The following ZNF695 variants were observed in gnomAD, a reference collection of about 807,000 sequenced individuals.
ZNF695 encodes the protein zinc finger protein 695, also known as zinc finger protein SBZF3.
A neutral mutation model predicts 11.2 loss-of-function variants in ZNF695; 11 were observed. The observed-to-expected ratio is 0.98, with a 90% CI of 0.62 to 1.62. The LOEUF is 1.62. Ranked by LOEUF, ZNF695 falls within the 40% of genes most tolerant of loss-of-function variation. The pLI, the probability that ZNF695 is intolerant of heterozygous loss-of-function variation, is 0.00. For synonymous variants in ZNF695, 190 were observed against 201.4 expected (o/e 0.94, Z 0.48); for missense variants, 559 against 590.5 (o/e 0.95, Z 0.55).
At chr1:246,970,195 TGAAA>T (rs1668390043) in intron 4 of ZNF695, among the ~76,000 whole-genome samples, 1 of 152,172 alleles carries the variant, frequency 6.6e-6, no homozygotes. Flanking sequence ...GTTCCGACAG[TGAAA>T]GAGTGATTGA....
rs895787170 is a variant in ZNF695 at position 246,976,712 on chromosome 1, T to G, written c.391-8920A>C. Among the ~76,000 whole-genome samples the G allele has an allele frequency of 7.9e-5, 12 of 152,220 alleles. No individual in the cohort carries two copies. The East Asian group carries it at 9.6e-4, about 12-fold the overall frequency. ...GGGAGGCTGAGGCAGAAGAATGGCA[T>G]GAACCCGGGAGGCAGAGCTTGCAGT... On this transcript the variant is annotated intron_variant, in intron 4 of 5. Transcript: ENST00000487338.
At chr1:246,995,338 G>A (rs56364134) in intron 3 of ZNF695, among the ~76,000 whole-genome samples, 6,004 of 152,262 alleles carry the variant, frequency 0.039, 154 homozygotes, top group South Asian at 0.12. Flanking sequence ...TCATGGGCTA[G>A]AAGACTTAAT....
At chr1:246,945,583 G>A (rs1667713995), downstream of ZNF695, 2 of 558,662 alleles carry the variant, frequency 3.6e-6, no homozygotes, top group East Asian at 5.8e-5. Context: ...ATGGAGTTAG[G>A]ACAACCAAAT....
intron 5 of ZNF695, among the ~76,000 whole-genome samples, chr1:246,951,589 T>C (rs999411023): frequency 6.6e-6 from 1 of 152,218 alleles, no homozygotes; most frequent in Admixed American, 6.5e-5. Flanking sequence ...TGTTTTGTTA[T>C]AGCAGCCTTA....
chr1:246,950,918 T>G (rs1161581382), intron 5 of ZNF695, among the ~76,000 whole-genome samples: 1 of 152,044 alleles, frequency 6.6e-6, no homozygotes. Context: ...CACTCCAAAT[T>G]GAAAAATATC....
At chr1:246,959,282 C>CAAAAAA (rs1189262229) in intron 5 of ZNF695, among the ~76,000 whole-genome samples, 5 of 7,434 alleles carry the variant, frequency 6.7e-4, no homozygotes, top group Non-Finnish European at 1.0e-3. Context: ...GACCCTGTCT[C>CAAAAAA]AAAAAAAAAA....
Position 247,007,973 on chromosome 1 carries a change from C to T in ZNF695, c.-65G>A, listed in dbSNP as rs147214160. On this transcript the variant is annotated 5_prime_UTR_variant, in exon 1 of 4. Coordinates refer to ENST00000339986, the MANE Select transcript of ZNF695 (RefSeq NM_020394.5). ...CTCGCAATACCTGCAGGCCACAGGG[C>T]GATGGAGCCTGCGGCAGTCACCCGG... The T allele has an allele frequency of 1.7e-3, 2,393 of 1,443,620 alleles. 36 individuals are homozygous for T. The African/African-American group carries it at 0.027, about 16-fold the overall frequency. The allele number at this position is 1,443,620 out of a possible 1,614,324, so 89.4% of individuals were successfully genotyped here.
At position 246,986,833 on chromosome 1, in the gene ZNF695, G is replaced by C; in HGVS notation, c.*134C>G. The C allele has an allele frequency of 7.0e-7, 1 of 1,424,924 alleles. No homozygotes were observed. Among genetic ancestry groups the C allele is most frequent in the Non-Finnish European group, 9.2e-7 (1 of 1,092,596 alleles). 88.3% of individuals were successfully genotyped at this position (1,424,924 alleles called of 1,614,324 possible). A position where few individuals can be genotyped will look rare whatever the true frequency, so the allele number is the denominator to read the frequency against. On this transcript the variant is annotated 3_prime_UTR_variant, in exon 4 of 4. Coordinates refer to ENST00000339986, the MANE Select transcript of ZNF695 (RefSeq NM_020394.5). ...GCCTAAACATTTTAGTGCACTCAAA[G>C]GCTCATAGACTGTAAATGGCCTTTT...
downstream of ZNF695, chr1:246,985,215 A>G (rs549939716): frequency 1.2e-6 from 1 of 858,272 alleles, no homozygotes; most frequent in Admixed American, 6.2e-5. Flanking sequence ...CATGTAAACC[A>G]AAACTAAAAG....
At chr1:246,945,983 C>A (rs1172787526) in intron 5 of ZNF695, among the ~76,000 whole-genome samples, 1 of 136,872 alleles carries the variant, frequency 7.3e-6, no homozygotes, top group East Asian at 2.1e-4. Context: ...CAGGTGTGAG[C>A]CACTGCGCCC....
chr1:246,986,584 C>G lies in ZNF695; in HGVS notation c.*383G>C. On this transcript the variant is annotated 3_prime_UTR_variant, in exon 4 of 4. Transcript: ENST00000339986. ...TTTCACATTTACTGCATCTGTAAAA[C>G]AGTTTTTAGTGTGAACACTCTGGTG... 4.0e-6 allele frequency: 4 copies of G among 1,001,122 alleles called. No individual in the cohort carries two copies. The highest frequency in any genetic ancestry group is 4.8e-6 in the Non-Finnish European group (4 of 840,632). The allele number at this position is 1,001,122 out of a possible 1,614,324, so 62.0% of individuals were successfully genotyped here.
At chr1:246,965,329 C>T (rs1354971703) in intron 5 of ZNF695, among the ~76,000 whole-genome samples, 5 of 148,240 alleles carry the variant, frequency 3.4e-5, no homozygotes, top group African/African-American at 1.3e-4. Flanking sequence ...TGCACTCCAG[C>T]CTGGGTGACA....
At chr1:246,973,623 A>G (rs1668484160) in intron 4 of ZNF695, among the ~76,000 whole-genome samples, 1 of 152,226 alleles carries the variant, frequency 6.6e-6, no homozygotes, top group South Asian at 2.1e-4. Flanking sequence ...GAGAAGGATG[A>G]TACTCTTCTA....
intron 3 of ZNF695, among the ~76,000 whole-genome samples, chr1:246,992,764 C>T (rs2642978): frequency 0.9 from 137,685 of 152,236 alleles, 62,361 homozygotes; most frequent in East Asian, 0.99. Flanking sequence ...CACAATGCCA[C>T]AAGCCCCATA....
intron 1 of ZNF695, among the ~76,000 whole-genome samples, chr1:247,007,245 C>T (rs1292770515): frequency 6.6e-6 from 1 of 152,034 alleles, no homozygotes; most frequent in South Asian, 2.1e-4. Flanking sequence ...GTGGCTCACG[C>T]CTGTAATCCC....
intron 3 of ZNF695, among the ~76,000 whole-genome samples, chr1:246,991,798 A>T (rs536766460): frequency 1.3e-5 from 2 of 152,236 alleles, no homozygotes; most frequent in African/African-American, 4.8e-5. Context: ...AAATAGGTAT[A>T]TCAAAGATAC....
At position 247,007,997 on chromosome 1, in the gene ZNF695, G is replaced by C; in HGVS notation, c.-89C>G. 1.5e-6 allele frequency: 2 copies of C among 1,373,064 alleles called. No individual in the cohort carries two copies. The highest frequency in any genetic ancestry group is 3.7e-5 in the South Asian group (2 of 54,662). 85.1% of individuals were successfully genotyped at this position (1,373,064 alleles called of 1,614,324 possible). ...GCGATGGAGCCTGCGGCAGTCACCC[G>C]GGACTCTCCGAGAGGCAGCAGACGG... On this transcript the variant is annotated 5_prime_UTR_variant, in exon 1 of 4. Coordinates refer to ENST00000339986, the MANE Select transcript of ZNF695 (RefSeq NM_020394.5).
At chr1:247,006,376 G>C (rs935609091) in intron 1 of ZNF695, among the ~76,000 whole-genome samples, 1 of 152,146 alleles carries the variant, frequency 6.6e-6, no homozygotes, top group African/African-American at 2.4e-5. Context: ...ACTTTGGGAG[G>C]CTGAGGCGGG....
At chr1:246,998,133 C>T (rs1336207553) in intron 3 of ZNF695, among the ~76,000 whole-genome samples, 2 of 152,050 alleles carry the variant, frequency 1.3e-5, no homozygotes, top group Admixed American at 6.5e-5. Context: ...ACCATGACAC[C>T]GTACAATAGT....
Sources: allele counts gnomAD v4.1 joint callset (sites outside exome capture counted in the v4.1 genomes callset), GRCh38; gene constraint gnomAD v4.1.1; transcripts MANE v1.5; gene names NCBI Gene and HGNC (gene_info 2026-07-23, HGNC 2026-07-21).